The following PIEZO2 variants were observed in gnomAD, a reference collection of about 807,000 sequenced individuals.
PIEZO2 encodes the protein piezo type mechanosensitive ion channel component 2, also known as piezo-type mechanosensitive ion channel component 2.
A neutral mutation model predicts 337.3 loss-of-function variants in PIEZO2; 172 were observed. The observed-to-expected ratio is 0.51, with a 90% CI of 0.45 to 0.58. The LOEUF is 0.58. Ranked by LOEUF, PIEZO2 falls within the 20% of genes least tolerant of loss-of-function variation. PIEZO2 has a pLI of 0.00. For missense variants in PIEZO2, 3,028 were observed against 3,391.3 expected, an observed-to-expected ratio of 0.89 and a Z score of 2.66; for synonymous variants, 1,251 against 1,228.5, an observed-to-expected ratio of 1.02 and a Z score of -0.38.
At position 10,783,518 on chromosome 18, in the gene PIEZO2, A is replaced by G. The variant is rs1378956231; in HGVS notation, c.2492+1266T>C. On this transcript the variant is annotated intron_variant, in intron 17 of 55. Transcript: ENST00000674853. This position sits in a 1 kb window ranked among gnomAD's most constrained non-coding sequence, Gnocchi z 4.3. ...AGGGTTCCCCAAACTTCTAATAACTACTTTATTTTTCCTAATGCTTGATCA... is the reference window on the plus strand; with the variant it reads ...AGGGTTCCCCAAACTTCTAATAACTGCTTTATTTTTCCTAATGCTTGATCA... 1.3e-5 allele frequency among the ~76,000 whole-genome samples: 2 copies of G among 152,106 alleles called. No individual in the cohort carries two copies. The highest frequency in any genetic ancestry group is 3.9e-4 in the East Asian group (2 of 5,194).
chr18:11,062,066 G>A (rs1453277033), intron 2 of PIEZO2, among the ~76,000 whole-genome samples: 1 of 152,082 alleles, frequency 6.6e-6, no homozygotes, highest in Non-Finnish European at 1.5e-5. Context: ...CAGAGATATA[G>A]ACCAATGGAA....
rs946558671 is a variant in PIEZO2 at position 11,132,858 on chromosome 18, G to A, written c.64+15667C>T. Among the ~76,000 whole-genome samples, 7 of 152,088 alleles carry A rather than the reference G, an allele frequency of 4.6e-5. No individual in the cohort carries two copies. Among genetic ancestry groups the A allele is most frequent in the Admixed American group, 2.0e-4 (3 of 15,272 alleles). ...TGGAATACAGGAGATCCATTAGGGC[G>A]TCTCTTAGTATTACCATGCTCTGTG... On this transcript the variant is annotated intron_variant, in intron 1 of 55. Coordinates refer to ENST00000674853, the MANE Select transcript of PIEZO2 (RefSeq NM_001378183.1). The surrounding 1 kb of genome is among the most constrained non-coding windows in gnomAD (Gnocchi z 4.7).
chr18:10,836,427 C>T (rs867230227), intron 7 of PIEZO2, among the ~76,000 whole-genome samples: 1 of 152,180 alleles, frequency 6.6e-6, no homozygotes, highest in African/African-American at 2.4e-5. Context: ...TACCCAATAC[C>T]TCCCCACTTT....
At chr18:10,789,775 C>G (rs1241449750) in intron 14 of PIEZO2, among the ~76,000 whole-genome samples, 1 of 152,040 alleles carries the variant, frequency 6.6e-6, no homozygotes, top group Non-Finnish European at 1.5e-5. Flanking sequence ...TTAATGCTAA[C>G]AATCTTAAAC....
At chr18:10,776,843 C>A (rs1266574598) in intron 18 of PIEZO2, among the ~76,000 whole-genome samples, 1 of 151,992 alleles carries the variant, frequency 6.6e-6, no homozygotes, top group East Asian at 1.9e-4. Context: ...GAAAATGGAT[C>A]TTGATTTTCC....
chr18:11,066,330 G>A (rs2038149190), intron 1 of PIEZO2, 108 bp from the exon 2 acceptor site: 1 of 742,706 alleles, frequency 1.3e-6, no homozygotes, highest in South Asian at 1.7e-5. Context: ...GGATCAAACA[G>A]TGTCACTTCC....
At chr18:11,093,236 G>A (rs1417666647) in intron 1 of PIEZO2, among the ~76,000 whole-genome samples, 3 of 152,128 alleles carry the variant, frequency 2.0e-5, no homozygotes, top group African/African-American at 7.2e-5. Flanking sequence ...GCCATTTGCG[G>A]GAGTGACCTA....
intron 3 of PIEZO2, among the ~76,000 whole-genome samples, chr18:10,967,083 T>A (rs1315733397): frequency 6.8e-6 from 1 of 146,014 alleles, no homozygotes; most frequent in East Asian, 2.0e-4. Flanking sequence ...AGTGGTGAGA[T>A]CTCGGCTCAC....
At chr18:10,956,984 A>ACAAAC (rs1555682200) in intron 3 of PIEZO2, among the ~76,000 whole-genome samples, 1 of 110,874 alleles carries the variant, frequency 9.0e-6, no homozygotes, top group Non-Finnish European at 2.1e-5. Flanking sequence ...AAAAAAAAAA[A>ACAAAC]AAGAAATCAT....
intron 2 of PIEZO2, 25 bp downstream of exon 2, chr18:11,066,102 G>A (rs1245483258): frequency 6.7e-7 from 1 of 1,488,366 alleles, no homozygotes; most frequent in African/African-American, 1.4e-5. Flanking sequence ...TAACTCTGTG[G>A]TATACGATAA....
At chr18:10,909,037 T>C (rs976489999) in intron 4 of PIEZO2, among the ~76,000 whole-genome samples, 1 of 152,178 alleles carries the variant, frequency 6.6e-6, no homozygotes, top group African/African-American at 2.4e-5. Flanking sequence ...TTACATCCAC[T>C]GTCTATGGCT....
rs1043844693 is a variant in PIEZO2 at position 10,775,945 on chromosome 18, G to A, written c.2535-1907C>T. Among the ~76,000 whole-genome samples, 1 of 152,106 alleles carries A rather than the reference G, an allele frequency of 6.6e-6. No individual in the cohort carries two copies. The highest frequency in any genetic ancestry group is 2.4e-5 in the African/African-American group (1 of 41,396). On this transcript the variant is annotated intron_variant, in intron 18 of 55. Transcript: ENST00000674853. The surrounding 1 kb of genome is among the most constrained non-coding windows in gnomAD (Gnocchi z 4.3). ...AAAAAAAAAAAGAAATTATGTATCA[G>A]GCTGTCATTTACTAGTCTAGGGGTT...
chr18:10,949,933 C>T (rs2033213491), intron 3 of PIEZO2, among the ~76,000 whole-genome samples: 1 of 152,166 alleles, frequency 6.6e-6, no homozygotes, highest in African/African-American at 2.4e-5. Flanking sequence ...CCTTGAAAGA[C>T]AGCAATACAT....
At position 10,795,479 on chromosome 18, in the gene PIEZO2, C is replaced by T. The variant is rs1382170581; in HGVS notation, c.1528-477G>A. ...AGAGAGAAAAAAAAATGGTATACTC[C>T]TGTGAGCTCAGAATGAGAGATTTGC... On this transcript the variant is annotated intron_variant, in intron 12 of 55. Coordinates refer to ENST00000674853, the MANE Select transcript of PIEZO2 (RefSeq NM_001378183.1). This position sits in a 1 kb window ranked among gnomAD's most constrained non-coding sequence, Gnocchi z 4.4. 6.6e-6 allele frequency among the ~76,000 whole-genome samples: 1 copy of T among 151,722 alleles called. No homozygotes were observed. Among genetic ancestry groups the T allele is most frequent in the African/African-American group, 2.4e-5 (1 of 41,258 alleles).
In PIEZO2 at chr18:10,783,928, T is replaced by C. The variant is rs980541750; in HGVS notation, c.2492+856A>G. ...GAACTCCTACTTCATCTTCTATTGATACCTGCATTTTTTCCCTTAAAGTCA... is the reference window on the plus strand; with the variant it reads ...GAACTCCTACTTCATCTTCTATTGACACCTGCATTTTTTCCCTTAAAGTCA... On this transcript the variant is annotated intron_variant, in intron 17 of 55. Transcript: ENST00000674853. This position sits in a 1 kb window ranked among gnomAD's most constrained non-coding sequence, Gnocchi z 4.3. 6.6e-6 allele frequency among the ~76,000 whole-genome samples: 1 copy of C among 152,240 alleles called. No individual in the cohort carries two copies. Among genetic ancestry groups the C allele is most frequent in the Non-Finnish European group, 1.5e-5 (1 of 68,040 alleles).
chr18:10,836,961 T>A (rs1020662763), intron 7 of PIEZO2, among the ~76,000 whole-genome samples: 2 of 152,204 alleles, frequency 1.3e-5, no homozygotes, highest in South Asian at 2.1e-4. Flanking sequence ...GGTAATATGA[T>A]CAAAGGAAGG....
intron 4 of PIEZO2, among the ~76,000 whole-genome samples, chr18:10,871,877 G>A (rs2042148654): frequency 6.6e-6 from 1 of 152,138 alleles, no homozygotes; most frequent in South Asian, 2.1e-4. Context: ...TGTATACTTG[G>A]TTGATTTTGT....
intron 3 of PIEZO2, among the ~76,000 whole-genome samples, chr18:10,960,063 G>A (rs1295984024): frequency 5.9e-5 from 9 of 151,896 alleles, no homozygotes; most frequent in Non-Finnish European, 1.0e-4. Context: ...GAAGTAAATC[G>A]TGCTTTTATC....
chr18:10,972,532 GTC>G (rs2034283000), intron 3 of PIEZO2, among the ~76,000 whole-genome samples: 1 of 152,096 alleles, frequency 6.6e-6, no homozygotes, highest in Admixed American at 6.6e-5. Flanking sequence ...AAAACTCAGG[GTC>G]ACTAAAGACA....
Sources: gnomAD v4.1 joint callset for allele counts (sites outside exome capture counted in the v4.1 genomes callset) on GRCh38, gnomAD v4.1.1 for gene constraint, Gnocchi (gnomAD v3.1) non-coding constraint, MANE v1.5 for transcripts, NCBI Gene and HGNC (gene_info 2026-07-23, HGNC 2026-07-21) for gene names.